The following ZMYND8 variants were observed in gnomAD, a reference collection of about 807,000 sequenced individuals.
ZMYND8 encodes MYND-type zinc finger-containing chromatin reader ZMYND8.
A neutral mutation model predicts 140.8 loss-of-function variants in ZMYND8; 37 were observed. That is an observed-to-expected ratio of 0.26 (90% CI 0.20 to 0.35). ZMYND8 has a LOEUF of 0.35. Among genes scored for constraint, ZMYND8 ranks in the 10% least tolerant of loss-of-function variants. The pLI, the probability that ZMYND8 is intolerant of heterozygous loss-of-function variation, is 1.00. For synonymous variants in ZMYND8, 592 were observed against 597.1 expected (o/e 0.99, Z 0.12); for missense variants, 1,068 against 1,570.0 (o/e 0.68, Z 5.40).
intron 12 of ZMYND8, 110 bp from the exon 13 acceptor site, chr20:47,249,549 G>A (rs965048025): frequency 8.3e-6 from 12 of 1,441,278 alleles, no homozygotes; most frequent in African/African-American, 1.4e-5. Flanking sequence ...ATGGGGGAGG[G>A]GGAGATACTT....
intron 2 of ZMYND8, among the ~76,000 whole-genome samples, 183 bp from the exon 3 acceptor site, chr20:47,310,387 T>C (rs1007081392): frequency 3.3e-5 from 5 of 152,194 alleles, no homozygotes; most frequent in Admixed American, 1.3e-4. Flanking sequence ...GCTTCAACAG[T>C]CAGACAAGTA....
chr20:47,238,860 G>C lies in ZMYND8; in HGVS notation c.2563C>G (p.Gln855Glu). Residue 855 changes from glutamine (Q) to glutamate (E), a missense_variant, in exon 15 of 23, where the codon CAG becomes GAG. This residue lies in a region of ZMYND8 where 383 missense variants were observed against 431.2 expected (regional missense o/e 0.89). Transcript: ENST00000471951. ...TGCTGCTGCTGACGCTGCATCTTCT[G>C]CATGTGCCACTTTTGGGAGGACGTT... ...FQTSSQKWHMQKMQRQQQQQQ... is the reference protein window; with the variant it reads ...FQTSSQKWHMEKMQRQQQQQQ... 1.2e-6 allele frequency: 2 copies of C among 1,613,498 alleles called. No homozygotes were observed. Among genetic ancestry groups the C allele is most frequent in the Non-Finnish European group, 1.7e-6 (2 of 1,180,026 alleles).
At chr20:47,315,784 C>T (rs2079339536) in intron 2 of ZMYND8, among the ~76,000 whole-genome samples, 1 of 152,170 alleles carries the variant, frequency 6.6e-6, no homozygotes, top group Non-Finnish European at 1.5e-5. Context: ...TTTTCTGCTG[C>T]CTTTTCTGAG....
At position 47,246,373 on chromosome 20, in the gene ZMYND8, T is replaced by C; in HGVS notation, c.1919A>G (p.Lys640Arg). The change falls in exon 14 of 23, where the codon AAA becomes AGA. Residue 640 changes from lysine to arginine, a missense_variant. By Grantham distance (26) the Lys-to-Arg change is conservative. Coordinates refer to ENST00000471951, the MANE Select transcript of ZMYND8 (RefSeq NM_001281775.3). Reference protein sequence around the residue: ...SKNEPEDTEDKEGCQMDKEPS... With the variant: ...SKNEPEDTEDREGCQMDKEPS... ...CTCTTTGTCCATCTGACAACCTTCT[T>C]TGTCCTCTGTGTCTTCTGGCTCGTT... 1 of 1,614,142 alleles carries C rather than the reference T, an allele frequency of 6.2e-7. No homozygotes were observed. Among genetic ancestry groups the C allele is most frequent in the Non-Finnish European group, 8.5e-7 (1 of 1,180,022 alleles).
intron 16 of ZMYND8, among the ~76,000 whole-genome samples, chr20:47,231,280 G>T: frequency 6.6e-6 from 1 of 152,162 alleles, no homozygotes; most frequent in African/African-American, 2.4e-5. Flanking sequence ...CTCAGGCCTG[G>T]CTTGACTGGT....
chr20:47,323,319 T>C (rs1054706995), intron 2 of ZMYND8, among the ~76,000 whole-genome samples: 1 of 152,178 alleles, frequency 6.6e-6, no homozygotes, highest in African/African-American at 2.4e-5. Context: ...CATGGCTCAC[T>C]GCAGCCTCAA....
At chr20:47,352,064 G>A in intron 1 of ZMYND8, 2 of 944,990 alleles carry the variant, frequency 2.1e-6, no homozygotes, top group Non-Finnish European at 2.5e-6. Context: ...CAAATTAGGT[G>A]GGTAGAAGGT....
At chr20:47,211,974 A>G (rs2035333210) in intron 22 of ZMYND8, among the ~76,000 whole-genome samples, 1 of 152,222 alleles carries the variant, frequency 6.6e-6, no homozygotes, top group Non-Finnish European at 1.5e-5. Context: ...AGTCATGTGC[A>G]TCAGTGACCA....
chr20:47,223,682 C>T (rs1313641072), intron 19 of ZMYND8, among the ~76,000 whole-genome samples: 2 of 150,930 alleles, frequency 1.3e-5, no homozygotes, highest in Admixed American at 6.6e-5. Flanking sequence ...AAAAATTAGC[C>T]GGGCATAGTG....
At chr20:47,299,672 C>T (rs1229936433) in intron 3 of ZMYND8, among the ~76,000 whole-genome samples, 1 of 152,112 alleles carries the variant, frequency 6.6e-6, no homozygotes, top group Non-Finnish European at 1.5e-5. Context: ...CAACCTCTGC[C>T]TCCCGGGTTC....
At chr20:47,226,701 A>C (rs931620420) in intron 18 of ZMYND8, among the ~76,000 whole-genome samples, 1 of 152,202 alleles carries the variant, frequency 6.6e-6, no homozygotes, top group Non-Finnish European at 1.5e-5. Context: ...TCCCTTTATC[A>C]CAACAGTTTG....
chr20:47,275,048 T>G (rs968635977), intron 11 of ZMYND8, among the ~76,000 whole-genome samples: 1 of 152,184 alleles, frequency 6.6e-6, no homozygotes, highest in African/African-American at 2.4e-5. Flanking sequence ...TGAAAGGCTG[T>G]CCAAGGCTTT....
chr20:47,230,414 C>T (rs937192650), intron 16 of ZMYND8, among the ~76,000 whole-genome samples: 1 of 152,090 alleles, frequency 6.6e-6, no homozygotes. Context: ...CCTCAGCCTC[C>T]CAAGTAGTTG....
At position 47,290,927 on chromosome 20, in the gene ZMYND8, A is replaced by G. The variant is rs1187588608; in HGVS notation, c.661-653T>C. On this transcript the variant is annotated intron_variant, in intron 6 of 22. Transcript: ENST00000471951. The stretch of plus-strand genomic sequence containing the variant: ...TTCATATATTTATACATTATTTATT[A>G]TTAGTCATATGGTCTCACACAAACC... Among the ~76,000 whole-genome samples the G allele has an allele frequency of 5.3e-5, 8 of 152,208 alleles. No individual in the cohort carries two copies. The East Asian group carries it at 1.5e-3, about 29-fold the overall frequency.
At chr20:47,312,932 C>T (rs1418824586) in intron 2 of ZMYND8, among the ~76,000 whole-genome samples, 1 of 152,112 alleles carries the variant, frequency 6.6e-6, no homozygotes, top group African/African-American at 2.4e-5. Context: ...GCCTTTGACC[C>T]AACAATCTCC....
In ZMYND8 at chr20:47,356,506, C is replaced by CA. The variant is rs1189830270; in HGVS notation, c.14+150dup. On this transcript the variant is annotated intron_variant, in intron 1 of 22. Transcript: ENST00000471951. ...TACTGAGCCATGTGACCCAAGAAAGCAAAAAAATTCTCTCTAAACAGTTCC... is the reference window on the plus strand; with the variant it reads ...TACTGAGCCATGTGACCCAAGAAAGCAAAAAAAATTCTCTCTAAACAGTTCC... 81 of 1,602,816 alleles carry CA rather than the reference C, an allele frequency of 5.1e-5. 1 individual carries two copies. The South Asian group carries it at 5.5e-4, about 11-fold the overall frequency.
intron 14 of ZMYND8, among the ~76,000 whole-genome samples, chr20:47,241,943 G>GAGTAGCTGGGACTACAGGTGCCC (rs2040023845): frequency 6.6e-6 from 1 of 150,860 alleles, no homozygotes; most frequent in African/African-American, 2.4e-5. Context: ...TTAGCCTCCC[G>GAGTAGCTGGGACTACAGGTGCCC]AGTAGCTGGG....
intron 16 of ZMYND8, among the ~76,000 whole-genome samples, chr20:47,235,045 T>C (rs190316836): frequency 6.6e-6 from 1 of 152,346 alleles, no homozygotes; most frequent in East Asian, 1.9e-4. Context: ...AAACTAGAAC[T>C]GTTTACTCAT....
intron 2 of ZMYND8, 115 bp downstream of exon 2, chr20:47,347,741 A>G: frequency 3.0e-6 from 3 of 991,646 alleles, no homozygotes; most frequent in Non-Finnish European, 4.6e-6. Flanking sequence ...TGAAAATCCA[A>G]GAAGAGTTAC....
Sources: allele counts gnomAD v4.1 joint callset (sites outside exome capture counted in the v4.1 genomes callset), GRCh38; gene constraint gnomAD v4.1.1; regional missense constraint gnomAD v4.1.1; transcripts MANE v1.5; gene names NCBI Gene and HGNC (gene_info 2026-07-23, HGNC 2026-07-21).